The following APC variants were observed in gnomAD, a reference collection of about 807,000 sequenced individuals.
APC encodes APC regulator of Wnt signaling pathway.
APC carries 72 observed loss-of-function variants against 247.0 expected under a neutral mutation model. The ratio of observed to expected loss-of-function variants is 0.29; its 90% CI spans 0.24 to 0.35. APC has a LOEUF of 0.35. Among genes scored for constraint, APC ranks in the 10% least tolerant of loss-of-function variants. The probability of loss-of-function intolerance (pLI) is 1.00; values close to 1 mark genes in which losing one functional copy is unlikely to be tolerated. For missense variants in APC, 3,400 were observed against 3,360.7 expected (o/e 1.01, Z -0.29); for synonymous variants, 1,254 against 1,162.5 (o/e 1.08, Z -1.60).
intron 8 of APC, among the ~76,000 whole-genome samples, chr5:112,803,204 CA>C (rs957277338): frequency 2.0e-5 from 3 of 152,106 alleles, no homozygotes; most frequent in Non-Finnish European, 4.4e-5. Flanking sequence ...TTCTGGAGAG[CA>C]ATTTTGTCAA....
Position 112,838,801 on chromosome 5 carries a change from G to A in APC, c.3207G>A (p.Arg1069=), listed in dbSNP as rs762867687. ...AACAAAGTGAGCAAAGACAATCAAG[G>A]AATCAAAGTACAACTTATCCTGTTT... The part of the protein sequence containing the change: ...EIKQSEQRQS[R]NQSTTYPVYT... The change falls in exon 16 of 16, where the codon AGG becomes AGA. Residue 1069 remains arginine (R), a synonymous_variant. Transcript: ENST00000257430. 3 of 1,614,082 alleles carry A rather than the reference G, an allele frequency of 1.9e-6. No individual in the cohort carries two copies. The East Asian group carries it at 6.7e-5, about 36-fold the overall frequency.
chr5:112,842,340 A>G lies in APC; in HGVS notation c.6746A>G (p.Lys2249Arg), dbSNP rs1766291767. 6.2e-7 allele frequency: 1 copy of G among 1,613,974 alleles called. No homozygotes were observed. Among genetic ancestry groups the G allele is most frequent in the Non-Finnish European group, 8.5e-7 (1 of 1,179,880 alleles). The change falls in exon 16 of 16, where the codon AAA becomes AGA. Residue 2249 changes from lysine to arginine, a missense_variant. By Grantham distance (26) the Lys-to-Arg change is conservative. Coordinates refer to ENST00000257430, the MANE Select transcript of APC (RefSeq NM_000038.6). ...TCAAGTACAAGTCCTGTTTCTAAAA[A>G]AGGCCCACCCCTTAAGACTCCAGCC... ...SSSSTSPVSKKGPPLKTPASK... is the reference protein window; with the variant it reads ...SSSSTSPVSKRGPPLKTPASK...
At chr5:112,782,678 A>G (rs1758479634) in intron 6 of APC, among the ~76,000 whole-genome samples, 1 of 152,226 alleles carries the variant, frequency 6.6e-6, no homozygotes, top group South Asian at 2.1e-4. Flanking sequence ...TAAACCTTTC[A>G]GTAGAAAATA....
At chr5:112,784,557 A>C (rs902319884) in intron 6 of APC, among the ~76,000 whole-genome samples, 3 of 152,252 alleles carry the variant, frequency 2.0e-5, no homozygotes, top group East Asian at 3.8e-4. Context: ...TTATTAAATG[A>C]ATAGTATGCA....
intron 4 of APC, among the ~76,000 whole-genome samples, chr5:112,772,072 A>G (rs760353327): frequency 6.6e-6 from 1 of 152,196 alleles, no homozygotes; most frequent in South Asian, 2.1e-4. Flanking sequence ...TGTCATGTTC[A>G]CTATTAATTT....
At chr5:112,725,951 A>G (rs974452250) in intron 1 of APC, among the ~76,000 whole-genome samples, 1 of 152,194 alleles carries the variant, frequency 6.6e-6, no homozygotes, top group Non-Finnish European at 1.5e-5. Context: ...GCCTGTGTCT[A>G]TTTGAAATGG....
At chr5:112,820,097 G>A (rs953479765) in intron 10 of APC, among the ~76,000 whole-genome samples, 4 of 151,920 alleles carry the variant, frequency 2.6e-5, no homozygotes, top group East Asian at 3.9e-4. Flanking sequence ...GGACCTATGG[G>A]GATATAACTT....
intron 1 of APC, among the ~76,000 whole-genome samples, chr5:112,730,598 A>G (rs780742698): frequency 2.4e-4 from 37 of 152,232 alleles, no homozygotes; most frequent in Non-Finnish European, 4.4e-4. Context: ...ATTTATCATG[A>G]AACTGATGAA....
At chr5:112,739,839 T>G (rs1002488285) in intron 1 of APC, among the ~76,000 whole-genome samples, 3 of 152,238 alleles carry the variant, frequency 2.0e-5, no homozygotes, top group African/African-American at 7.2e-5. Flanking sequence ...GCATAGTGTT[T>G]GAGAGTCTAT....
chr5:112,745,659 G>A (rs1440864086), intron 1 of APC, among the ~76,000 whole-genome samples: 4 of 151,074 alleles, frequency 2.6e-5, no homozygotes, highest in East Asian at 3.9e-4. Context: ...CACCTCAAGC[G>A]ATTCTCCTGT....
At chr5:112,797,598 G>A (rs1484608372) in intron 7 of APC, among the ~76,000 whole-genome samples, 3 of 152,172 alleles carry the variant, frequency 2.0e-5, no homozygotes, top group African/African-American at 4.8e-5. Flanking sequence ...TTTCTTGTGT[G>A]TTCTTCCAGA....
At chr5:112,746,814 A>G (rs541660357) in intron 1 of APC, among the ~76,000 whole-genome samples, 1 of 152,324 alleles carries the variant, frequency 6.6e-6, no homozygotes, top group African/African-American at 2.4e-5. Flanking sequence ...AAACGTGAAA[A>G]AGAAGTGAGG....
intron 6 of APC, among the ~76,000 whole-genome samples, chr5:112,788,235 G>A (rs1049375897): frequency 8.5e-5 from 13 of 152,064 alleles, no homozygotes; most frequent in Admixed American, 8.5e-4. Context: ...ATCGTTCTTT[G>A]TTTTTAAAAA....
At chr5:112,726,030 A>G (rs1751756412) in intron 1 of APC, among the ~76,000 whole-genome samples, 1 of 152,130 alleles carries the variant, frequency 6.6e-6, no homozygotes. Flanking sequence ...GCCACCGTCC[A>G]TGCTCAAACC....
chr5:112,789,856 T>A (rs887585072), intron 6 of APC, among the ~76,000 whole-genome samples: 5 of 140,442 alleles, frequency 3.6e-5, no homozygotes, highest in Admixed American at 1.4e-4. Flanking sequence ...ACTTAAAGAA[T>A]ATTTTTTTTT....
Position 112,844,398 on chromosome 5 carries a change from C to A in APC, c.*272C>A. The A allele has an allele frequency of 2.6e-6, 1 of 383,476 alleles. No homozygotes were observed. The allele number at this position is 383,476 out of a possible 1,614,324, so 23.8% of individuals were successfully genotyped here. ...CATGTATTTAAAGTAGCATCCCATC[C>A]CAACTTCCTTTAATTATTGCTTGTC... On this transcript the variant is annotated 3_prime_UTR_variant, in exon 16 of 16. Transcript: ENST00000257430.
intron 9 of APC, 90 bp downstream of exon 9, chr5:112,815,683 C>T (rs1762441513): frequency 9.5e-7 from 1 of 1,048,478 alleles, no homozygotes; most frequent in Non-Finnish European, 1.4e-6. Flanking sequence ...CACCTGTAAT[C>T]CCAGCATTTT....
At chr5:112,831,406 A>G (rs920371017) in intron 14 of APC, among the ~76,000 whole-genome samples, 7 of 152,206 alleles carry the variant, frequency 4.6e-5, no homozygotes, top group Non-Finnish European at 1.0e-4. Context: ...TGCATGGTCA[A>G]TCTTGGAAAA....
At chr5:112,805,849 C>T (rs994419411) in intron 8 of APC, among the ~76,000 whole-genome samples, 1 of 152,192 alleles carries the variant, frequency 6.6e-6, no homozygotes, top group Non-Finnish European at 1.5e-5. Context: ...TATTCTACCG[C>T]TTCTCTCACC....
Sources: gnomAD v4.1 joint callset for allele counts (sites outside exome capture counted in the v4.1 genomes callset) on GRCh38, gnomAD v4.1.1 for gene constraint, MANE v1.5 for transcripts, NCBI Gene and HGNC (gene_info 2026-07-23, HGNC 2026-07-21) for gene names.